Variants in RANBP3 observed in about 807,000 individuals in gnomAD.
RANBP3 encodes the protein ran-binding protein 3.
Under a neutral mutation model 77.3 loss-of-function variants are expected in RANBP3, and 14 were observed. The ratio of observed to expected loss-of-function variants is 0.18; its 90% CI spans 0.12 to 0.28. RANBP3 has a LOEUF of 0.28. Among genes scored for constraint, RANBP3 ranks in the 10% least tolerant of loss-of-function variants. RANBP3 has a pLI of 1.00. For missense variants in RANBP3, 586 were observed against 752.3 expected (o/e 0.78, Z 2.59); for synonymous variants, 315 against 312.4 (o/e 1.01, Z -0.09).
intron 5 of RANBP3, among the ~76,000 whole-genome samples, chr19:5,940,445 G>A (rs1035035030): frequency 1.5e-4 from 23 of 152,170 alleles, no homozygotes; most frequent in South Asian, 2.1e-4. Flanking sequence ...GGACAGTTCC[G>A]CAATATCCAG....
chr19:5,934,843 C>T (rs1407581894), intron 5 of RANBP3, among the ~76,000 whole-genome samples: 1 of 152,098 alleles, frequency 6.6e-6, no homozygotes, highest in Non-Finnish European at 1.5e-5. Flanking sequence ...TCAAACAAAA[C>T]AAAAACATTG....
chr19:5,935,660 G>C (rs950595077), intron 5 of RANBP3: 2 of 454,804 alleles, frequency 4.4e-6, no homozygotes, highest in African/African-American at 4.0e-5. Flanking sequence ...GGAAGCAGGA[G>C]ACTTGGATAA....
chr19:5,967,106 A>G (rs2058476554), intron 1 of RANBP3, among the ~76,000 whole-genome samples: 1 of 152,238 alleles, frequency 6.6e-6, no homozygotes, highest in Non-Finnish European at 1.5e-5. Flanking sequence ...ACGGAATGGA[A>G]CTGATCTCAA....
At position 5,924,473 on chromosome 19, in the gene RANBP3, A is replaced by T. The variant is rs984451841; in HGVS notation, c.996+354T>A. ...AGGGAGGCCAGCAACCCTGTCCACC[A>T]GCACGGCTGGCTCCGTCCCACAGGA... On this transcript the variant is annotated intron_variant, in intron 11 of 16. Transcript: ENST00000340578. The surrounding 1 kb of genome is among the most constrained non-coding windows in gnomAD (Gnocchi z 4.7). 6.6e-6 allele frequency among the ~76,000 whole-genome samples: 1 copy of T among 152,248 alleles called. No individual in the cohort carries two copies. The highest frequency in any genetic ancestry group is 1.5e-5 in the Non-Finnish European group (1 of 68,042).
chr19:5,934,637 C>G (rs910568906), intron 5 of RANBP3, among the ~76,000 whole-genome samples: 1 of 152,188 alleles, frequency 6.6e-6, no homozygotes, highest in Non-Finnish European at 1.5e-5. Flanking sequence ...AGTTTGAGAT[C>G]AGCCTGGGCA....
At chr19:5,919,946 C>T (rs1205372336) in intron 14 of RANBP3, among the ~76,000 whole-genome samples, 1 of 151,902 alleles carries the variant, frequency 6.6e-6, no homozygotes, top group African/African-American at 2.4e-5. Flanking sequence ...AAGAGCAGTC[C>T]CAGCCTGCAG....
chr19:5,954,179 A>G (rs8107611), intron 2 of RANBP3, among the ~76,000 whole-genome samples: 6 of 152,262 alleles, frequency 3.9e-5, no homozygotes, highest in East Asian at 1.9e-4. Flanking sequence ...ATGGCGTGAG[A>G]GGGATGGTGG....
rs140098361 is a variant in RANBP3, at chr19:5,958,426, C to G, written c.23-453G>C. On this transcript the variant is annotated intron_variant, in intron 1 of 16. Transcript: ENST00000340578. This position sits in a 1 kb window ranked among gnomAD's most constrained non-coding sequence, Gnocchi z 4.4. The stretch of plus-strand genomic sequence containing the variant: ...CCGCTCGCGCTGTTTGCAGACAGTT[C>G]TGGTAGAAGAATCCTAACGCTCAAC... Among the ~76,000 whole-genome samples, 225 of 152,356 alleles carry G rather than the reference C, an allele frequency of 1.5e-3. 1 individual carries two copies. Among genetic ancestry groups the G allele is most frequent in the African/African-American group, 5.2e-3 (215 of 41,590 alleles).
intron 9 of RANBP3, among the ~76,000 whole-genome samples, chr19:5,926,854 G>T (rs1313658908): frequency 6.6e-6 from 1 of 152,168 alleles, no homozygotes; most frequent in Admixed American, 6.5e-5. Context: ...TTGGGCTTCT[G>T]TTGGACGGTG....
Position 5,959,774 on chromosome 19 carries a change from G to A in RANBP3, c.23-1801C>T, listed in dbSNP as rs1004870031. On this transcript the variant is annotated intron_variant, in intron 1 of 16. Transcript: ENST00000340578. The surrounding 1 kb of genome is among the most constrained non-coding windows in gnomAD (Gnocchi z 5.1). ...GATCCTAGAGGTCTTCCGGTGCCACGCCTGTACCCCACAAGCCCAGCCCTG... is the reference window on the plus strand; with the variant it reads ...GATCCTAGAGGTCTTCCGGTGCCACACCTGTACCCCACAAGCCCAGCCCTG... 1.3e-5 allele frequency among the ~76,000 whole-genome samples: 2 copies of A among 152,090 alleles called. No homozygotes were observed. Among genetic ancestry groups the A allele is most frequent in the Non-Finnish European group, 1.5e-5 (1 of 68,022 alleles).
chr19:5,918,592 C>G lies in RANBP3; in HGVS notation c.1377G>C (p.Leu459=), dbSNP rs1365714304. The G allele has an allele frequency of 1.2e-6, 2 of 1,613,794 alleles. No homozygotes were observed. The highest frequency in any genetic ancestry group is 2.2e-5 in the East Asian group (1 of 44,888). ...GSLRLILNTK[L]WAQMQIDKAS... ...CCTTGTCGATCTGCATCTGGGCCCACAGCTTGGTGTTGAGGATCAGTCGCA... is the reference window on the plus strand; with the variant it reads ...CCTTGTCGATCTGCATCTGGGCCCAGAGCTTGGTGTTGAGGATCAGTCGCA... Residue 459 remains leucine (L), a synonymous_variant, in exon 15 of 17, where the codon CTG becomes CTC. Transcript: ENST00000340578.
chr19:5,963,983 GC>G (rs2058434257), intron 1 of RANBP3, among the ~76,000 whole-genome samples: 1 of 152,298 alleles, frequency 6.6e-6, no homozygotes, highest in South Asian at 2.1e-4. Flanking sequence ...GTCCCCTGCT[GC>G]CCCCTGGTAC....
At chr19:5,943,206 T>C (rs1206977727) in intron 3 of RANBP3, among the ~76,000 whole-genome samples, 1 of 152,202 alleles carries the variant, frequency 6.6e-6, no homozygotes, top group African/African-American at 2.4e-5. Flanking sequence ...TCTAAAATGC[T>C]CCTCAGAGGT....
At chr19:5,922,425 G>A (rs1228642874) in intron 13 of RANBP3, among the ~76,000 whole-genome samples, 1 of 152,206 alleles carries the variant, frequency 6.6e-6, no homozygotes, top group East Asian at 1.9e-4. Context: ...ATGTGCCACG[G>A]GAGAGGAAGC....
chr19:5,918,312 G>A (rs893606971), intron 15 of RANBP3, 184 bp downstream of exon 15: 9 of 725,954 alleles, frequency 1.2e-5, no homozygotes, highest in Non-Finnish European at 2.0e-5. Flanking sequence ...AAGAGGACAA[G>A]GACCATGATC....
intron 1 of RANBP3, among the ~76,000 whole-genome samples, chr19:5,970,073 G>T (rs537275105): frequency 6.6e-6 from 1 of 152,172 alleles, no homozygotes; most frequent in Non-Finnish European, 1.5e-5. Context: ...CATGTTTGTG[G>T]GGGTGTGGAG....
intron 3 of RANBP3, among the ~76,000 whole-genome samples, chr19:5,943,502 C>T (rs1485406833): frequency 6.6e-6 from 1 of 152,226 alleles, no homozygotes; most frequent in Admixed American, 6.5e-5. Flanking sequence ...TAAACATCAT[C>T]TTAGCTTACA....
Position 5,978,074 on chromosome 19 carries a change from G to C in RANBP3, c.9C>G (p.Asp3Glu). 3 of 1,610,844 alleles carry C rather than the reference G, an allele frequency of 1.9e-6. No homozygotes were observed. The highest frequency in any genetic ancestry group is 2.5e-6 in the Non-Finnish European group (3 of 1,178,712). Reference sequence around the variant, plus strand: ...CGCCTCCCCTACCTTCGTTCGCCAGGTCCGCCATTTTACTTCCTTAAGCCC... The same window carrying C: ...CGCCTCCCCTACCTTCGTTCGCCAGCTCCGCCATTTTACTTCCTTAAGCCC... Reference protein sequence around the residue: MADLANEEKPAIA... With the variant: MAELANEEKPAIA... The change falls in exon 1 of 17, where the codon GAC (aspartate) becomes GAG (glutamate). Residue 3 changes from aspartate to glutamate, a missense_variant. Around this residue, in one of 5 missense-constraint regions of RANBP3, gnomAD observed 172 missense variants for 183.4 expected, o/e 0.94. Transcript: ENST00000340578.
chr19:5,939,658 G>T (rs189125408), intron 5 of RANBP3, among the ~76,000 whole-genome samples: 1 of 152,376 alleles, frequency 6.6e-6, no homozygotes, highest in African/African-American at 2.4e-5. Flanking sequence ...GACGCTCAGA[G>T]ATCACCTCTC....
Sources: allele counts gnomAD v4.1 joint callset (sites outside exome capture counted in the v4.1 genomes callset), GRCh38; gene constraint gnomAD v4.1.1; regional missense constraint gnomAD v4.1.1; non-coding constraint Gnocchi (gnomAD v3.1); transcripts MANE v1.5; gene names NCBI Gene and HGNC (gene_info 2026-07-23, HGNC 2026-07-21).